The following SHOC1 variants were observed in gnomAD, a reference collection of about 807,000 sequenced individuals.
The protein encoded by SHOC1 is protein shortage in chiasmata 1 ortholog.
A neutral mutation model predicts 179.2 loss-of-function variants in SHOC1; 136 were observed. That is an observed-to-expected ratio of 0.76 (90% CI 0.66 to 0.87). The LOEUF is 0.87. Ranked by LOEUF, SHOC1 falls within the 40% of genes least tolerant of loss-of-function variation. The pLI, the probability that SHOC1 is intolerant of heterozygous loss-of-function variation, is 0.00. For synonymous variants in SHOC1, 489 were observed against 586.6 expected, an observed-to-expected ratio of 0.83 and a Z score of 2.41; for missense variants, 1,538 against 1,700.8, an observed-to-expected ratio of 0.90 and a Z score of 1.68.
At chr9:111,723,768 G>A (rs1833172887) in intron 14 of SHOC1, 24 bp downstream of exon 14, 2 of 1,603,010 alleles carry the variant, frequency 1.2e-6, no homozygotes, top group Non-Finnish European at 1.7e-6. Flanking sequence ...AATCTGAAAT[G>A]CATTTTAAAA....
At chr9:111,721,083 G>A (rs1167261826) in intron 15 of SHOC1, among the ~76,000 whole-genome samples, 1 of 152,122 alleles carries the variant, frequency 6.6e-6, no homozygotes, top group Non-Finnish European at 1.5e-5. Flanking sequence ...TTTGATCCTT[G>A]GGGTATTGCT....
At chr9:111,725,195 AATTAG>A (rs1394995107) in intron 13 of SHOC1, among the ~76,000 whole-genome samples, 3 of 152,202 alleles carry the variant, frequency 2.0e-5, no homozygotes, top group African/African-American at 7.2e-5. Flanking sequence ...AACCATAACT[AATTAG>A]AATAGATATG....
intron 16 of SHOC1, among the ~76,000 whole-genome samples, chr9:111,715,711 G>C (rs1341322448): frequency 6.6e-6 from 1 of 151,920 alleles, no homozygotes; most frequent in Non-Finnish European, 1.5e-5. Context: ...TCTTAATTCT[G>C]CCTAGAATAG....
chr9:111,730,498 T>C (rs1833515824), intron 12 of SHOC1, among the ~76,000 whole-genome samples: 1 of 152,238 alleles, frequency 6.6e-6, no homozygotes. Flanking sequence ...AATCTTCTTG[T>C]ATATCTCCAT....
intron 22 of SHOC1, 52 bp downstream of exon 22, chr9:111,703,829 T>A: frequency 2.4e-6 from 2 of 840,532 alleles, no homozygotes; most frequent in South Asian, 3.8e-5. Context: ...ACAAATTACA[T>A]AGCCATATAT....
Position 111,686,689 on chromosome 9 carries a change from T to G in SHOC1, c.*81A>C, listed in dbSNP as rs1322134084. ...GAACAATTGTGTTTTCTTTAGTGTA[T>G]GAGCAAATCTAAATAATTGCGCTAG... On this transcript the variant is annotated 3_prime_UTR_variant, in exon 28 of 28. Transcript: ENST00000682961. 3 of 866,970 alleles carry G rather than the reference T, an allele frequency of 3.5e-6. No individual in the cohort carries two copies. Among genetic ancestry groups the G allele is most frequent in the African/African-American group, 3.4e-5 (2 of 59,456 alleles). The allele number at this position is 866,970 out of a possible 1,614,324, so 53.7% of individuals were successfully genotyped here.
At chr9:111,760,498 AAT>A (rs1270249035) in intron 5 of SHOC1, among the ~76,000 whole-genome samples, 1 of 152,200 alleles carries the variant, frequency 6.6e-6, no homozygotes, top group Non-Finnish European at 1.5e-5. Context: ...AAGGTCTACT[AAT>A]ATGAAAGAAG....
chr9:111,738,583 A>T, intron 11 of SHOC1, 61 bp from the exon 12 acceptor site: 1 of 1,399,408 alleles, frequency 7.1e-7, no homozygotes, highest in South Asian at 1.6e-5. Flanking sequence ...GAAACAAAAC[A>T]CAATAAACAG....
At chr9:111,742,223 T>C (rs1834077074) in intron 10 of SHOC1, among the ~76,000 whole-genome samples, 1 of 152,216 alleles carries the variant, frequency 6.6e-6, no homozygotes, top group African/African-American at 2.4e-5. Flanking sequence ...GTCAACCTTA[T>C]ACGCCACCAA....
chr9:111,781,750 A>AATTAATTAATTAATTAATT lies in SHOC1; in HGVS notation c.170-734_170-733insAATTAATTAATTAATTAAT, dbSNP rs1554724113. 4.1e-3 allele frequency among the ~76,000 whole-genome samples: 614 copies of AATTAATTAATTAATTAATT among 151,004 alleles called. 4 individuals carry two copies. The highest frequency in any genetic ancestry group is 0.011 in the African/African-American group (472 of 41,082). On this transcript the variant is annotated intron_variant, in intron 3 of 27. Transcript: ENST00000682961. ...TAAATAAATAAATAAATAAATAAAT[A>AATTAATTAATTAATTAATT]AATTTGTATGTGTACATAGCTTATC... is the stretch of plus-strand genomic sequence containing the variant.
intron 5 of SHOC1, among the ~76,000 whole-genome samples, chr9:111,762,373 G>A (rs551444483): frequency 1.1e-4 from 17 of 151,800 alleles, no homozygotes; most frequent in Non-Finnish European, 2.4e-4. Context: ...AGGCTGCAGT[G>A]AGCTGTGATT....
At chr9:111,731,531 G>C (rs1009532586) in intron 12 of SHOC1, among the ~76,000 whole-genome samples, 4 of 152,258 alleles carry the variant, frequency 2.6e-5, no homozygotes, top group Admixed American at 2.6e-4. Context: ...GGAGCAGTCA[G>C]AACACACACA....
At chr9:111,747,086 T>C (rs575760172) in intron 9 of SHOC1, among the ~76,000 whole-genome samples, 238 of 152,282 alleles carry the variant, frequency 1.6e-3, no homozygotes, top group Non-Finnish European at 2.4e-3. Flanking sequence ...GAGTAATTAT[T>C]CACCTTAATG....
chr9:111,773,788 T>C (rs1835718840), intron 5 of SHOC1, among the ~76,000 whole-genome samples: 1 of 152,202 alleles, frequency 6.6e-6, no homozygotes, highest in Non-Finnish European at 1.5e-5. Context: ...GCCACTGTTT[T>C]ATGTTTTAAA....
At chr9:111,730,311 C>A (rs1401326876) in intron 12 of SHOC1, among the ~76,000 whole-genome samples, 4 of 152,152 alleles carry the variant, frequency 2.6e-5, no homozygotes, top group Non-Finnish European at 5.9e-5. Context: ...AATGGTGAAT[C>A]CTTTCTCAAA....
At chr9:111,791,587 A>T in intron 1 of SHOC1, 133 bp from the exon 2 acceptor site, 1 of 372,244 alleles carries the variant, frequency 2.7e-6, no homozygotes, top group Non-Finnish European at 4.8e-6. Flanking sequence ...AATAATATAC[A>T]TTACTATAAT....
chr9:111,785,152 C>T (rs926390576), intron 3 of SHOC1, among the ~76,000 whole-genome samples: 1 of 152,044 alleles, frequency 6.6e-6, no homozygotes, highest in Non-Finnish European at 1.5e-5. Flanking sequence ...AGGGCTTTTC[C>T]CCCATATTTT....
intron 24 of SHOC1, among the ~76,000 whole-genome samples, chr9:111,697,526 CT>C (rs1831758697): frequency 6.6e-6 from 1 of 152,088 alleles, no homozygotes; most frequent in Non-Finnish European, 1.5e-5. Flanking sequence ...TGGACTCATC[CT>C]TTTTTATGGC....
intron 12 of SHOC1, among the ~76,000 whole-genome samples, chr9:111,729,905 T>C (rs62572560): frequency 0.083 from 11,074 of 134,074 alleles, 610 homozygotes; most frequent in South Asian, 0.23. Context: ...AAAAAAAAAT[T>C]GGAGTCAATC....
Sources: gnomAD v4.1 joint callset for allele counts (sites outside exome capture counted in the v4.1 genomes callset) on GRCh38, gnomAD v4.1.1 for gene constraint, MANE v1.5 for transcripts, NCBI Gene and HGNC (gene_info 2026-07-23, HGNC 2026-07-21) for gene names.